DPP6: variants seen among roughly 807,000 people sequenced by gnomAD.
The protein encoded by DPP6 is A-type potassium channel modulatory protein DPP6.
A neutral mutation model predicts 122.6 loss-of-function variants in DPP6; 69 were observed. The observed-to-expected ratio is 0.56, with a 90% CI of 0.46 to 0.69. The LOEUF is 0.69. DPP6 is among the 30% of genes least tolerant of loss of function. The pLI is 0.00. For synonymous variants in DPP6, 418 were observed against 433.1 expected (o/e 0.97, Z 0.43); for missense variants, 928 against 1,116.9 (o/e 0.83, Z 2.41).
intron 1 of DPP6, among the ~76,000 whole-genome samples, chr7:153,999,131 T>A (rs1449184171): frequency 6.6e-6 from 1 of 152,186 alleles, no homozygotes; most frequent in Non-Finnish European, 1.5e-5. Context: ...TGGGCACCAC[T>A]TGAGTTGAGT....
intron 1 of DPP6, among the ~76,000 whole-genome samples, chr7:154,072,390 A>G (rs1210511791): frequency 6.6e-6 from 1 of 152,204 alleles, no homozygotes; most frequent in Non-Finnish European, 1.5e-5. Flanking sequence ...GCTGCTTTGC[A>G]AAGCTGCCTG....
chr7:154,383,203 T>G (rs1028895977), intron 1 of DPP6, among the ~76,000 whole-genome samples: 11 of 152,222 alleles, frequency 7.2e-5, no homozygotes, highest in Non-Finnish European at 4.4e-5. Context: ...ATCAGAAAAC[T>G]ATTAATATAT....
At chr7:154,050,749 G>T (rs1169277629), upstream of DPP6, among the ~76,000 whole-genome samples, 2 of 150,794 alleles carry the variant, frequency 1.3e-5, no homozygotes, top group Non-Finnish European at 2.9e-5. Flanking sequence ...AGCAAGTTTC[G>T]CTTAGCTGTT....
intron 16 of DPP6, among the ~76,000 whole-genome samples, chr7:154,820,204 G>A (rs763800886): frequency 9.2e-5 from 14 of 152,204 alleles, no homozygotes; most frequent in Non-Finnish European, 1.0e-4. Flanking sequence ...TGCAGCACAC[G>A]GGACACGCGA....
At chr7:153,982,710 C>T (rs993431365) in intron 1 of DPP6, among the ~76,000 whole-genome samples, 9 of 152,162 alleles carry the variant, frequency 5.9e-5, no homozygotes, top group Middle Eastern at 3.4e-3. Flanking sequence ...ATGTTGGTGA[C>T]CTTCAGTTGG....
At chr7:154,750,994 C>T (rs1486518410) in intron 8 of DPP6, among the ~76,000 whole-genome samples, 1 of 152,144 alleles carries the variant, frequency 6.6e-6, no homozygotes, top group Non-Finnish European at 1.5e-5. Context: ...GTCAGAATCC[C>T]GGATCCACCC....
intron 13 of DPP6, among the ~76,000 whole-genome samples, chr7:154,802,625 A>G (rs1451331640): frequency 6.6e-6 from 1 of 152,156 alleles, no homozygotes; most frequent in African/African-American, 2.4e-5. Flanking sequence ...TTGGGAGGCC[A>G]AGGCAGGTGG....
chr7:153,964,706 A>G (rs1438390138), intron 1 of DPP6, among the ~76,000 whole-genome samples: 1 of 152,046 alleles, frequency 6.6e-6, no homozygotes, highest in African/African-American at 2.4e-5. Flanking sequence ...TGTCTGTGAG[A>G]TGCCTGGCGA....
chr7:154,337,462 G>A (rs540522143), intron 1 of DPP6, among the ~76,000 whole-genome samples: 11 of 152,168 alleles, frequency 7.2e-5, no homozygotes, highest in African/African-American at 1.9e-4. Flanking sequence ...TTTAGAAAAC[G>A]TCTAAAATCT....
chr7:154,049,674 G>A (rs1358798665), upstream of DPP6, among the ~76,000 whole-genome samples: 2 of 144,402 alleles, frequency 1.4e-5, no homozygotes, highest in African/African-American at 5.1e-5. Flanking sequence ...TGCAACCTCC[G>A]CCTCCCGGGT....
intron 16 of DPP6, among the ~76,000 whole-genome samples, chr7:154,809,781 G>A (rs1798931461): frequency 6.6e-6 from 1 of 152,202 alleles, no homozygotes; most frequent in Non-Finnish European, 1.5e-5. Flanking sequence ...GTGGTTTGAG[G>A]CTGAGCTGCT....
At chr7:154,803,495 C>G (rs983329622) in intron 13 of DPP6, among the ~76,000 whole-genome samples, 1 of 152,152 alleles carries the variant, frequency 6.6e-6, no homozygotes, top group Admixed American at 6.5e-5. Context: ...ACTGGTCCCC[C>G]TTCAGTAATG....
chr7:153,783,033 T>C, the DPP6 span, among the ~76,000 whole-genome samples: 1 of 152,120 alleles, frequency 6.6e-6, no homozygotes, highest in East Asian at 1.9e-4. Flanking sequence ...TAAGGGATGG[T>C]TTATCTTTAC....
chr7:154,291,259 G>T (rs1280207678), intron 1 of DPP6, among the ~76,000 whole-genome samples: 1 of 152,158 alleles, frequency 6.6e-6, no homozygotes, highest in Non-Finnish European at 1.5e-5. Flanking sequence ...TGAAATGGAG[G>T]CCTCTGAGTT....
intron 1 of DPP6, among the ~76,000 whole-genome samples, chr7:153,924,034 G>C (rs1800772842): frequency 6.6e-6 from 1 of 151,998 alleles, no homozygotes; most frequent in South Asian, 2.1e-4. Context: ...TTTCTAGCTG[G>C]GTAACCCTGA....
intron 1 of DPP6, chr7:154,305,690 G>C: frequency 7.6e-7 from 1 of 1,312,468 alleles, no homozygotes; most frequent in Non-Finnish European, 1.0e-6. Flanking sequence ...ATTGGTTTAT[G>C]ACTGTAGCCC....
intron 1 of DPP6, among the ~76,000 whole-genome samples, chr7:154,400,807 T>C (rs1167724010): frequency 6.6e-6 from 1 of 152,238 alleles, no homozygotes; most frequent in African/African-American, 2.4e-5. Context: ...AAAAGAACCA[T>C]GAATTCCTCT....
intron 10 of DPP6, among the ~76,000 whole-genome samples, chr7:154,776,190 C>G (rs1423040091): frequency 2.4e-4 from 26 of 108,118 alleles, no homozygotes; most frequent in Non-Finnish European, 4.7e-4. Context: ...CAGAAGCCCC[C>G]ATGATAGATG....
chr7:154,868,826 C>A (rs1804116731), intron 18 of DPP6, among the ~76,000 whole-genome samples: 1 of 152,200 alleles, frequency 6.6e-6, no homozygotes. Context: ...GTAAAATGCC[C>A]ACAGCGGATT....
Sources: gnomAD v4.1 joint callset for allele counts (sites outside exome capture counted in the v4.1 genomes callset) on GRCh38, gnomAD v4.1.1 for gene constraint, MANE v1.5 for transcripts, NCBI Gene and HGNC (gene_info 2026-07-23, HGNC 2026-07-21) for gene names.